SPTBN5: variants seen among roughly 807,000 people sequenced by gnomAD.
SPTBN5 encodes spectrin beta chain, non-erythrocytic 5.
A neutral mutation model predicts 477.6 loss-of-function variants in SPTBN5; 513 were observed. That is an observed-to-expected ratio of 1.07 (90% CI 1.00 to 1.16). SPTBN5 has a LOEUF of 1.16. SPTBN5 is among the 50% of genes most tolerant of loss of function. SPTBN5 has a pLI of 0.00. For synonymous variants in SPTBN5, 2,169 were observed against 2,011.7 expected (o/e 1.08, Z -2.09); for missense variants, 5,062 against 4,731.8 (o/e 1.07, Z -2.05).
intron 47 of SPTBN5, among the ~76,000 whole-genome samples, chr15:41,859,931 A>G (rs1046201501): frequency 4.6e-5 from 7 of 152,320 alleles, no homozygotes; most frequent in East Asian, 1.9e-4. Flanking sequence ...AGCCCCCACC[A>G]GTCTGGGATC....
chr15:41,886,870 G>A (rs1440907994), intron 6 of SPTBN5, among the ~76,000 whole-genome samples: 5 of 152,256 alleles, frequency 3.3e-5, no homozygotes, highest in African/African-American at 4.8e-5. Flanking sequence ...AGCCTTTTCT[G>A]TGCCTGTCCT....
intron 41 of SPTBN5, 113 bp downstream of exon 41, chr15:41,863,591 G>C (rs1181208030): frequency 1.1e-5 from 9 of 806,642 alleles, no homozygotes; most frequent in African/African-American, 1.7e-5. Context: ...CAAGTACCCA[G>C]CTGAACAGGA....
intron 13 of SPTBN5, 111 bp downstream of exon 13, chr15:41,880,923 C>T (rs1057100528): frequency 1.3e-5 from 12 of 935,536 alleles, no homozygotes; most frequent in Non-Finnish European, 1.8e-5. Context: ...ATGATAAAAG[C>T]TCCTTGAGGA....
Position 41,873,823 on chromosome 15 carries a change from A to C in SPTBN5, c.4890+22T>G, listed in dbSNP as rs570326031. ...GCCCTGACTTCTGCCTCTTCCCCCA[A>C]CCCCACCTCTCTGCATCCTACCTGC... On this transcript the variant is annotated intron_variant, in intron 25 of 67. Coordinates refer to ENST00000320955, the MANE Select transcript of SPTBN5 (RefSeq NM_016642.4). 13 of 1,606,568 alleles carry C rather than the reference A, an allele frequency of 8.1e-6. No individual in the cohort carries two copies. In the East Asian group the frequency reaches 2.5e-4, roughly 30 times the overall value.
At chr15:41,859,923 C>A (rs2066047158) in intron 47 of SPTBN5, among the ~76,000 whole-genome samples, 1 of 152,298 alleles carries the variant, frequency 6.6e-6, no homozygotes, top group African/African-American at 2.4e-5. Flanking sequence ...AGGACAAAAG[C>A]CCCCACCAGT....
chr15:41,860,047 C>T (rs972271694), intron 47 of SPTBN5, among the ~76,000 whole-genome samples: 5 of 152,226 alleles, frequency 3.3e-5, no homozygotes, highest in African/African-American at 1.2e-4. Context: ...GCTGGGGTCT[C>T]ATGGGCCATG....
Position 41,888,073 on chromosome 15 carries a change from C to T in SPTBN5, c.514G>A (p.Ala172Thr). 6.4e-7 allele frequency: 1 copy of T among 1,571,606 alleles called. No individual in the cohort carries two copies. Residue 172 changes from alanine to threonine, a missense_variant, in exon 5 of 68, where the codon GCC becomes ACC. Physicochemically the swap from Ala to Thr is moderately conservative, Grantham distance 58 (BLOSUM62 0). Coordinates refer to ENST00000320955, the MANE Select transcript of SPTBN5 (RefSeq NM_016642.4). Reference protein sequence around the residue: ...HISLDKEEFGASAALLSTKEA... With the variant: ...HISLDKEEFGTSAALLSTKEA... The stretch of plus-strand genomic sequence containing the variant: ...TTGGTGGACAGCAGGGCTGCGCTGG[C>T]CCCAAACTCCTCCTGGCGGGACAGG...
Position 41,854,994 on chromosome 15 carries a change from C to G in SPTBN5, c.9424-18G>C. On this transcript the variant is annotated intron_variant, in intron 55 of 67. Coordinates refer to ENST00000320955, the MANE Select transcript of SPTBN5 (RefSeq NM_016642.4). ...TCCAGCACCTGCAAAGGTATGAGGC[C>G]CAGCAGGGTCACTTGAGATGGTATC... 6.6e-7 allele frequency: 1 copy of G among 1,522,716 alleles called. No individual in the cohort carries two copies. The highest frequency in any genetic ancestry group is 8.8e-7 in the Non-Finnish European group (1 of 1,135,746). 94.3% of individuals were successfully genotyped at this position (1,522,716 alleles called of 1,614,324 possible). A position where few individuals can be genotyped will look rare whatever the true frequency, so the allele number is the denominator to read the frequency against.
chr15:41,861,561 T>A, intron 45 of SPTBN5, 65 bp from the exon 46 acceptor site: 1 of 1,567,672 alleles, frequency 6.4e-7, no homozygotes, highest in Non-Finnish European at 8.8e-7. Flanking sequence ...TTGGAGTGAC[T>A]GTTCCAGTGG....
intron 32 of SPTBN5, among the ~76,000 whole-genome samples, chr15:41,868,962 C>G (rs1386292792): frequency 6.6e-6 from 1 of 152,232 alleles, no homozygotes; most frequent in Non-Finnish European, 1.5e-5. Flanking sequence ...GAAAGTTCAC[C>G]TGCTCTTCAA....
At chr15:41,852,060 C>A in intron 62 of SPTBN5, 122 bp downstream of exon 62, 1 of 1,264,458 alleles carries the variant, frequency 7.9e-7, no homozygotes. Flanking sequence ...ACCTTCAGCT[C>A]CTGTGCCCGG....
Position 41,868,104 on chromosome 15 carries a change from A to G in SPTBN5, c.6172T>C (p.Cys2058Arg), listed in dbSNP as rs1260060507. 2.5e-6 allele frequency: 4 copies of G among 1,603,178 alleles called. No individual in the cohort carries two copies. Among genetic ancestry groups the G allele is most frequent in the Non-Finnish European group, 3.4e-6 (4 of 1,176,690 alleles). ...EQQEQLFLRE[C>R]GRLEEILAAQ... The stretch of plus-strand genomic sequence containing the variant: ...GCGAGGATCTCCTCCAGGCGGCCGC[A>G]CTCTCTGAGGAAGAGCTGCTCCTGC... Residue 2058 changes from cysteine (C) to arginine (R), a missense_variant, in exon 34 of 68, where the codon TGC becomes CGC. By Grantham distance (180) the Cys-to-Arg change is radical. Coordinates refer to ENST00000320955, the MANE Select transcript of SPTBN5 (RefSeq NM_016642.4).
Position 41,863,957 on chromosome 15 carries a change from G to C in SPTBN5, c.6986C>G (p.Pro2329Arg), listed in dbSNP as rs1337859368. The C allele has an allele frequency of 1.4e-5, 23 of 1,613,760 alleles. No individual in the cohort carries two copies. Among genetic ancestry groups the C allele is most frequent in the Non-Finnish European group, 1.9e-5 (22 of 1,179,900 alleles). Reference sequence around the variant, plus strand: ...CTGGCAGATGATCTTGACTTCCTCAGGGTCCCGGTTCTTGAGCTGCAGTGA... The same window carrying C: ...CTGGCAGATGATCTTGACTTCCTCACGGTCCCGGTTCTTGAGCTGCAGTGA... The part of the protein sequence containing the change: ...DLSLQLKNRD[P>R]EEVKIICQRR... Residue 2329 changes from proline to arginine, a missense_variant, in exon 40 of 68, where the codon CCT becomes CGT. Physicochemically the swap from Pro to Arg is moderately radical, Grantham distance 103. Coordinates refer to ENST00000320955, the MANE Select transcript of SPTBN5 (RefSeq NM_016642.4).
At chr15:41,876,316 A>G in intron 20 of SPTBN5, 32 bp from the exon 21 acceptor site, 1 of 1,515,664 alleles carries the variant, frequency 6.6e-7, no homozygotes, top group Non-Finnish European at 8.9e-7. Flanking sequence ...TGGGTCTCAG[A>G]GCACGGTGGG....
intron 61 of SPTBN5, 61 bp from the exon 62 acceptor site, chr15:41,852,377 G>A (rs2065794379): frequency 1.3e-6 from 2 of 1,500,642 alleles, no homozygotes; most frequent in East Asian, 2.5e-5. Flanking sequence ...CACACCTCAG[G>A]TTCCCGTCTA....
intron 32 of SPTBN5, 128 bp downstream of exon 32, chr15:41,869,713 C>T (rs1031247164): frequency 1.3e-5 from 13 of 1,015,540 alleles, no homozygotes; most frequent in Non-Finnish European, 1.7e-5. Flanking sequence ...CCCGTGTGCT[C>T]GTGCTCTCCC....
intron 51 of SPTBN5, 95 bp downstream of exon 51, chr15:41,857,143 A>G: frequency 6.6e-7 from 1 of 1,513,846 alleles, no homozygotes; most frequent in South Asian, 1.3e-5. Context: ...ACCATGGGCA[A>G]GGGGAGAAAG....
chr15:41,863,828 G>A lies in SPTBN5; in HGVS notation c.7035-10C>T, dbSNP rs754533864. ...ATGGAAACTCGCCCACCTGGCCAAG[G>A]GGTGGTGGTGTCATGTGGAGCCTGA... On this transcript the variant is annotated splice_polypyrimidine_tract_variant and intron_variant, in intron 40 of 67. Transcript: ENST00000320955. 2.2e-5 allele frequency: 36 copies of A among 1,613,732 alleles called. No individual in the cohort carries two copies. Among genetic ancestry groups the A allele is most frequent in the South Asian group, 1.1e-4 (10 of 91,084 alleles).
In SPTBN5 at chr15:41,851,274, G is replaced by T. The variant is rs756592995; in HGVS notation, c.10743+9C>A. 1.9e-6 allele frequency: 3 copies of T among 1,551,238 alleles called. No homozygotes were observed. The highest frequency in any genetic ancestry group is 2.4e-5 in the South Asian group (2 of 84,074). ...CTGATGTCTGCATCTCCCCTACCCC[G>T]CCTGGTACCTCCGCTGCCATCCTCT... On this transcript the variant is annotated intron_variant, in intron 64 of 67. Coordinates refer to ENST00000320955, the MANE Select transcript of SPTBN5 (RefSeq NM_016642.4).
Sources: allele counts gnomAD v4.1 joint callset (sites outside exome capture counted in the v4.1 genomes callset), GRCh38; gene constraint gnomAD v4.1.1; transcripts MANE v1.5; gene names NCBI Gene and HGNC (gene_info 2026-07-23, HGNC 2026-07-21).